The following SPATA6 variants were observed in gnomAD, a reference collection of about 807,000 sequenced individuals.
SPATA6 encodes the protein spermatogenesis-associated protein 6.
A neutral mutation model predicts 65.3 loss-of-function variants in SPATA6; 56 were observed. That is an observed-to-expected ratio of 0.86 (90% confidence interval 0.69 to 1.07). SPATA6 has a LOEUF of 1.07. SPATA6 is among the 50% of genes least tolerant of loss of function. SPATA6 has a pLI of 0.00. For missense variants in SPATA6, 590 were observed against 594.8 expected (o/e 0.99, Z 0.08); for synonymous variants, 199 against 213.2 (o/e 0.93, Z 0.58).
intron 11 of SPATA6, among the ~76,000 whole-genome samples, chr1:48,313,570 G>T (rs1008100752): frequency 6.6e-6 from 1 of 152,140 alleles, no homozygotes; most frequent in Admixed American, 6.5e-5. Context: ...GGAACAACTG[G>T]TACCAGCCAC....
At chr1:48,288,967 T>C in the SPATA6 span, among the ~76,000 whole-genome samples, 1 of 152,242 alleles carries the variant, frequency 6.6e-6, no homozygotes, top group Non-Finnish European at 1.5e-5. Flanking sequence ...CAGACTTAAA[T>C]GTCCCTGTCT....
intron 9 of SPATA6, among the ~76,000 whole-genome samples, chr1:48,361,015 T>C (rs1371239403): frequency 6.6e-6 from 1 of 152,204 alleles, no homozygotes; most frequent in Non-Finnish European, 1.5e-5. Context: ...TTTGGACATA[T>C]TAAGCTTCAC....
At chr1:48,302,919 C>A (rs1644975092) in intron 12 of SPATA6, among the ~76,000 whole-genome samples, 2 of 151,926 alleles carry the variant, frequency 1.3e-5, no homozygotes. Flanking sequence ...GCTTGTTTGC[C>A]AACAAACCAT....
the SPATA6 span, among the ~76,000 whole-genome samples, chr1:48,288,528 G>A: frequency 6.6e-6 from 1 of 152,188 alleles, no homozygotes; most frequent in Admixed American, 6.5e-5. Flanking sequence ...CACAGAGCAT[G>A]AGCCAAAGCA....
At chr1:48,450,145 A>T (rs890462332) in intron 3 of SPATA6, among the ~76,000 whole-genome samples, 2 of 152,104 alleles carry the variant, frequency 1.3e-5, no homozygotes, top group African/African-American at 4.8e-5. Flanking sequence ...CTAACATGGA[A>T]GTAATTGGAG....
At chr1:48,359,350 T>C (rs1009147824) in intron 10 of SPATA6, among the ~76,000 whole-genome samples, 3 of 152,226 alleles carry the variant, frequency 2.0e-5, no homozygotes, top group Admixed American at 1.3e-4. Flanking sequence ...CTATAATCTG[T>C]AATTAAGGTT....
intron 7 of SPATA6, among the ~76,000 whole-genome samples, chr1:48,398,826 A>C (rs1650854703): frequency 6.6e-6 from 1 of 151,866 alleles, no homozygotes; most frequent in Non-Finnish European, 1.5e-5. Flanking sequence ...GAACTAGGTT[A>C]CCCTTAAATG....
At position 48,399,371 on chromosome 1, in the gene SPATA6, G is replaced by GT; in HGVS notation, c.759dup (p.Pro254ThrfsTer6). On this transcript the variant is annotated frameshift_variant, in exon 7 of 13. Transcript: ENST00000371847. LOFTEE classifies it high-confidence loss of function. ...CATACATGTCTAATCACAAATGGAGGTTTATCTGTTTCTTTTTTGAACTCA... is the reference window on the plus strand; with the variant it reads ...CATACATGTCTAATCACAAATGGAGGTTTTATCTGTTTCTTTTTTGAACTCA... 6.2e-7 allele frequency: 1 copy of GT among 1,612,642 alleles called. No individual in the cohort carries two copies. The highest frequency in any genetic ancestry group is 8.5e-7 in the Non-Finnish European group (1 of 1,179,210).
chr1:48,299,929 C>A (rs1279824456), intron 12 of SPATA6, among the ~76,000 whole-genome samples: 1 of 151,956 alleles, frequency 6.6e-6, no homozygotes, highest in East Asian at 1.9e-4. Context: ...TAACTGTGAA[C>A]ATTTGTGGAA....
intron 10 of SPATA6, among the ~76,000 whole-genome samples, chr1:48,358,273 A>G (rs1646712161): frequency 6.6e-6 from 1 of 152,190 alleles, no homozygotes; most frequent in Non-Finnish European, 1.5e-5. Flanking sequence ...ATACTGTACT[A>G]GAGTGGTAGG....
chr1:48,451,116 C>T (rs1288716307), intron 3 of SPATA6, among the ~76,000 whole-genome samples: 3 of 152,126 alleles, frequency 2.0e-5, no homozygotes, highest in Non-Finnish European at 4.4e-5. Flanking sequence ...GTAATGAATG[C>T]AATGTAAAGT....
intron 3 of SPATA6, among the ~76,000 whole-genome samples, chr1:48,417,373 T>C (rs891437411): frequency 3.9e-5 from 6 of 152,152 alleles, no homozygotes; most frequent in African/African-American, 1.4e-4. Context: ...ATGCTTAGAC[T>C]GCGACACAGA....
chr1:48,312,849 T>A (rs1645263346), intron 11 of SPATA6, among the ~76,000 whole-genome samples: 1 of 152,054 alleles, frequency 6.6e-6, no homozygotes, highest in Non-Finnish European at 1.5e-5. Flanking sequence ...GAGAAGTCCT[T>A]AAAGGACCTG....
chr1:48,342,853 A>C (rs1163671833), intron 11 of SPATA6, among the ~76,000 whole-genome samples: 2 of 152,112 alleles, frequency 1.3e-5, no homozygotes, highest in African/African-American at 2.4e-5. Context: ...ACTATTCTGA[A>C]ATAAAAAATT....
At chr1:48,291,956 G>A (rs1302300548), downstream of SPATA6, among the ~76,000 whole-genome samples, 1 of 152,032 alleles carries the variant, frequency 6.6e-6, no homozygotes, top group Middle Eastern at 3.2e-3. Context: ...TTTTGTCCCC[G>A]CTTTCCTAAT....
At chr1:48,426,907 C>T (rs1174891963) in intron 3 of SPATA6, among the ~76,000 whole-genome samples, 1 of 150,142 alleles carries the variant, frequency 6.7e-6, no homozygotes, top group Non-Finnish European at 1.5e-5. Flanking sequence ...AAAGTAAAAA[C>T]AGAGAAAAAA....
chr1:48,275,116 T>G, the SPATA6 span, among the ~76,000 whole-genome samples: 1 of 152,208 alleles, frequency 6.6e-6, no homozygotes, highest in Non-Finnish European at 1.5e-5. Flanking sequence ...GAATGGGAGT[T>G]CACTCATGAT....
At chr1:48,441,320 G>A (rs989044161) in intron 3 of SPATA6, among the ~76,000 whole-genome samples, 2 of 151,868 alleles carry the variant, frequency 1.3e-5, no homozygotes, top group Admixed American at 6.6e-5. Context: ...TTCCTGTCCC[G>A]GACAGCTGTC....
chr1:48,459,204 CAAAAA>C (rs35079974), intron 1 of SPATA6, among the ~76,000 whole-genome samples: 1 of 66,402 alleles, frequency 1.5e-5, no homozygotes, highest in Non-Finnish European at 2.9e-5. Context: ...GACTCCATAT[CAAAAA>C]AAAAAAAAAA....
Sources: allele counts gnomAD v4.1 joint callset (sites outside exome capture counted in the v4.1 genomes callset), GRCh38; gene constraint gnomAD v4.1.1; transcripts MANE v1.5; gene names NCBI Gene and HGNC (gene_info 2026-07-23, HGNC 2026-07-21).